Variants in ABHD2 observed in about 807,000 individuals in gnomAD.
ABHD2 encodes the protein abhydrolase domain containing 2, acylglycerol lipase.
A neutral mutation model predicts 48.1 loss-of-function variants in ABHD2; 20 were observed. That is an observed-to-expected ratio of 0.42 (90% CI 0.29 to 0.60). The LOEUF is 0.60. Among genes scored for constraint, ABHD2 ranks in the 20% least tolerant of loss-of-function variants. The pLI, the probability that ABHD2 is intolerant of heterozygous loss-of-function variation, is 0.24. For missense variants in ABHD2, 405 were observed against 550.9 expected, an observed-to-expected ratio of 0.74 and a Z score of 2.65; for synonymous variants, 209 against 214.2, an observed-to-expected ratio of 0.98 and a Z score of 0.21.
the ABHD2 span, among the ~76,000 whole-genome samples, chr15:89,075,934 C>T: frequency 5.3e-5 from 8 of 152,340 alleles, no homozygotes; most frequent in African/African-American, 1.7e-4. This position sits in a 1 kb window ranked among gnomAD's most constrained non-coding sequence, Gnocchi z 4.1. Context: ...AACTGAAAGC[C>T]AACTGCTGGA....
At chr15:89,172,063 C>T (rs1025466836) in intron 5 of ABHD2, among the ~76,000 whole-genome samples, 1 of 151,818 alleles carries the variant, frequency 6.6e-6, no homozygotes, top group Non-Finnish European at 1.5e-5. Flanking sequence ...TTCTAATGTG[C>T]AATCAGGTTG....
chr15:89,111,685 A>G (rs1816473215), intron 1 of ABHD2, among the ~76,000 whole-genome samples: 2 of 152,242 alleles, frequency 1.3e-5, no homozygotes, highest in South Asian at 4.1e-4. Context: ...AGAGCTGACC[A>G]GAATTTAGTT....
At chr15:89,053,788 C>T in the ABHD2 span, among the ~76,000 whole-genome samples, 3 of 152,218 alleles carry the variant, frequency 2.0e-5, no homozygotes, top group Non-Finnish European at 4.4e-5. Context: ...CAAGAGCAGT[C>T]CCACTGCCTT....
Position 89,179,807 on chromosome 15 carries a change from C to A in ABHD2, c.722+3812C>A, listed in dbSNP as rs975243462. On this transcript the variant is annotated intron_variant, in intron 6 of 10. Coordinates refer to ENST00000352732, the MANE Select transcript of ABHD2 (RefSeq NM_152924.5). The surrounding 1 kb of genome is among the most constrained non-coding windows in gnomAD (Gnocchi z 4.3). The stretch of plus-strand genomic sequence containing the variant: ...ATCTCCTTAAAGGCACATTATACTC[C>A]GGGCTAAGTGGATGTGTTAACATCA... Among the ~76,000 whole-genome samples the A allele has an allele frequency of 6.6e-6, 1 of 152,136 alleles. No homozygotes were observed. Among genetic ancestry groups the A allele is most frequent in the African/African-American group, 2.4e-5 (1 of 41,414 alleles).
At chr15:89,080,913 C>T in the ABHD2 span, among the ~76,000 whole-genome samples, 1 of 151,610 alleles carries the variant, frequency 6.6e-6, no homozygotes, top group Non-Finnish European at 1.5e-5. Context: ...AGTATTTGTC[C>T]TCTTGTGATT....
the ABHD2 span, among the ~76,000 whole-genome samples, chr15:89,080,769 A>T: frequency 6.7e-6 from 1 of 149,660 alleles, no homozygotes; most frequent in Admixed American, 6.7e-5. Flanking sequence ...ATCTCAACTC[A>T]TTGCAGCCTC....
chr15:89,070,738 T>G, the ABHD2 span, among the ~76,000 whole-genome samples: 1 of 152,154 alleles, frequency 6.6e-6, no homozygotes, highest in Non-Finnish European at 1.5e-5. Context: ...TAGAATAGCA[T>G]GTGGACAGCA....
At chr15:89,127,706 C>CATATATATATATATATGTATATATATAT (rs71464446) in intron 3 of ABHD2, among the ~76,000 whole-genome samples, 6 of 129,912 alleles carry the variant, frequency 4.6e-5, no homozygotes, top group African/African-American at 1.8e-4. Flanking sequence ...TATATATATA[C>CATATATATATATATATGTATATATATAT]ATATATATAT....
intron 1 of ABHD2, among the ~76,000 whole-genome samples, chr15:89,110,194 G>A (rs1274187469): frequency 6.6e-6 from 1 of 151,874 alleles, no homozygotes; most frequent in Non-Finnish European, 1.5e-5. Context: ...CCTCAGCCTG[G>A]GATTACAGGC....
At chr15:89,123,667 G>T (rs2050088668) in intron 3 of ABHD2, among the ~76,000 whole-genome samples, 1 of 131,170 alleles carries the variant, frequency 7.6e-6, no homozygotes, top group East Asian at 2.4e-4. Context: ...GCACAATCAT[G>T]GCTCATTGTA....
the ABHD2 span, among the ~76,000 whole-genome samples, chr15:89,071,511 C>T: frequency 6.6e-6 from 1 of 152,208 alleles, no homozygotes; most frequent in Non-Finnish European, 1.5e-5. Context: ...AAAAACGCAA[C>T]CACTTGCAAA....
Position 89,182,030 on chromosome 15 carries a change from A to T in ABHD2, c.723-3394A>T, listed in dbSNP as rs144598760. ...ATATTTTATTATAATTTAATGTTAC[A>T]TTGATTAGAAATGAAGGCATTTTCA... is the stretch of plus-strand genomic sequence containing the variant. On this transcript the variant is annotated intron_variant, in intron 6 of 10. Coordinates refer to ENST00000352732, the MANE Select transcript of ABHD2 (RefSeq NM_152924.5). The surrounding 1 kb of genome is among the most constrained non-coding windows in gnomAD (Gnocchi z 4.8). Among the ~76,000 whole-genome samples, 3 of 152,368 alleles carry T rather than the reference A, an allele frequency of 2.0e-5. No homozygotes were observed. Among genetic ancestry groups the T allele is most frequent in the African/African-American group, 7.2e-5 (3 of 41,586 alleles).
At chr15:89,050,655 G>C in the ABHD2 span, among the ~76,000 whole-genome samples, 1 of 152,296 alleles carries the variant, frequency 6.6e-6, no homozygotes, top group African/African-American at 2.4e-5. Flanking sequence ...CATCTGCTGG[G>C]ATGGGAGGTG....
chr15:89,146,067 A>T lies in ABHD2; in HGVS notation c.195-5610A>T, dbSNP rs2050486339. Among the ~76,000 whole-genome samples, 2 of 151,956 alleles carry T rather than the reference A, an allele frequency of 1.3e-5. No homozygotes were observed. The highest frequency in any genetic ancestry group is 1.3e-4 in the Admixed American group (2 of 15,236). The stretch of plus-strand genomic sequence containing the variant: ...TGCTGCAACTTGCTGAGATGTGAGG[A>T]CTCAATCTCAGGCAACATATCCTAA... On this transcript the variant is annotated intron_variant, in intron 3 of 10. Transcript: ENST00000352732. This position sits in a 1 kb window ranked among gnomAD's most constrained non-coding sequence, Gnocchi z 4.2.
rs570518300 is a variant in ABHD2, at chr15:89,201,347, G to A, written c.*5924G>A. The A allele has an allele frequency of 1.1e-4, 116 of 1,030,968 alleles. No homozygotes were observed. Among genetic ancestry groups the A allele is most frequent in the Non-Finnish European group, 1.6e-4 (109 of 664,134 alleles). The allele number at this position is 1,030,968 out of a possible 1,614,324, so 63.9% of individuals were successfully genotyped here. On this transcript the variant is annotated 3_prime_UTR_variant, in exon 11 of 11. Coordinates refer to ENST00000352732, the MANE Select transcript of ABHD2 (RefSeq NM_152924.5). ...TGAAGCACTGTGTGGTTGTGGCGTG[G>A]GCCCGTCTTGCTTAGATGCATTCAG... is the stretch of plus-strand genomic sequence containing the variant.
Position 89,104,633 on chromosome 15 carries a change from C to T in ABHD2, c.-106-9092C>T, listed in dbSNP as rs1243689663. Among the ~76,000 whole-genome samples, 1 of 152,188 alleles carries T rather than the reference C, an allele frequency of 6.6e-6. No homozygotes were observed. The highest frequency in any genetic ancestry group is 1.5e-5 in the Non-Finnish European group (1 of 68,032). ...CATTAACTGAGAGTAGCTGTAAGTC[C>T]TTTTCTGTTGCAGGTCTGGGTGAAA... On this transcript the variant is annotated intron_variant, in intron 1 of 10. Coordinates refer to ENST00000352732, the MANE Select transcript of ABHD2 (RefSeq NM_152924.5). This position sits in a 1 kb window ranked among gnomAD's most constrained non-coding sequence, Gnocchi z 4.4.
At chr15:89,068,585 T>C in the ABHD2 span, among the ~76,000 whole-genome samples, 2 of 152,070 alleles carry the variant, frequency 1.3e-5, no homozygotes, top group Non-Finnish European at 2.9e-5. Flanking sequence ...TCAGACTAGC[T>C]GGTAACTGGG....
chr15:89,167,002 T>G lies in ABHD2; in HGVS notation c.539-8810T>G, dbSNP rs561700303. 1.1e-4 allele frequency among the ~76,000 whole-genome samples: 17 copies of G among 152,322 alleles called. No homozygotes were observed. Among genetic ancestry groups the G allele is most frequent in the South Asian group, 4.1e-4 (2 of 4,824 alleles). Reference sequence around the variant, plus strand: ...TAATAACGTTATAATAATTCATAACTTTATTAATAACTGCATCAGAACAAT... The same window carrying G: ...TAATAACGTTATAATAATTCATAACGTTATTAATAACTGCATCAGAACAAT... On this transcript the variant is annotated intron_variant, in intron 5 of 10. Transcript: ENST00000352732. The surrounding 1 kb of genome is among the most constrained non-coding windows in gnomAD (Gnocchi z 5.5).
intron 8 of ABHD2, 27 bp from the exon 9 acceptor site, chr15:89,191,052 CT>C (rs1567113169): frequency 6.2e-7 from 1 of 1,609,420 alleles, no homozygotes. Flanking sequence ...TGTCCTTTTT[CT>C]TTTTTTCTTT....
Sources: gnomAD v4.1 joint callset for allele counts (sites outside exome capture counted in the v4.1 genomes callset) on GRCh38, gnomAD v4.1.1 for gene constraint, Gnocchi (gnomAD v3.1) non-coding constraint, MANE v1.5 for transcripts, NCBI Gene and HGNC (gene_info 2026-07-23, HGNC 2026-07-21) for gene names.